COL11A1: variants seen among roughly 807,000 people sequenced by gnomAD.
COL11A1 encodes collagen type XI alpha 1 chain.
COL11A1 carries 74 observed loss-of-function variants against 265.2 expected under a neutral mutation model. The observed-to-expected ratio is 0.28, with a 90% CI of 0.23 to 0.34. COL11A1 has a LOEUF of 0.34. Ranked by LOEUF, COL11A1 falls within the 10% of genes least tolerant of loss-of-function variation. COL11A1 has a pLI of 1.00. For synonymous variants in COL11A1, 816 were observed against 727.6 expected, an observed-to-expected ratio of 1.12 and a Z score of -1.96; for missense variants, 2,165 against 2,263.6, an observed-to-expected ratio of 0.96 and a Z score of 0.88.
intron 59 of COL11A1, 119 bp downstream of exon 59, chr1:102,889,336 T>C: frequency 2.6e-6 from 2 of 783,216 alleles, no homozygotes; most frequent in South Asian, 2.9e-5. Context: ...CTGACTTAAA[T>C]TAGAATTAAG....
chr1:102,995,754 G>A (rs191603985), intron 28 of COL11A1, 110 bp downstream of exon 28: 238 of 868,032 alleles, frequency 2.7e-4, no homozygotes, highest in African/African-American at 2.2e-3. Flanking sequence ...CTAGCATTGC[G>A]TAGTATGTAG....
At position 103,108,139 on chromosome 1, in the gene COL11A1, G is replaced by A. The variant is rs1674860322; in HGVS notation, c.40C>T (p.Leu14Phe). The A allele has an allele frequency of 1.9e-6, 3 of 1,613,716 alleles. No individual in the cohort carries two copies. The East Asian group carries it at 6.7e-5, about 36-fold the overall frequency. ...WSSRWKTKRWLWDFTVTTLAL... is the reference protein window; with the variant it reads ...WSSRWKTKRWFWDFTVTTLAL... ...AGGGTTGTTACGGTGAAATCCCAGA[G>A]CCACCGTTTCGTTTTCCACCTAGAG... Residue 14 changes from leucine to phenylalanine, a missense_variant, in exon 1 of 67, where the codon CTC becomes TTC. Physicochemically the swap from Leu to Phe is conservative, Grantham distance 22. Coordinates refer to ENST00000370096, the MANE Select transcript of COL11A1 (RefSeq NM_001854.4).
At chr1:102,936,860 AAAG>A (rs1658199212) in intron 44 of COL11A1, among the ~76,000 whole-genome samples, 1 of 152,164 alleles carries the variant, frequency 6.6e-6, no homozygotes, top group Non-Finnish European at 1.5e-5. Context: ...ATGTAAAATC[AAAG>A]AATATTCAAA....
At chr1:102,903,365 G>C (rs901053691) in intron 54 of COL11A1, among the ~76,000 whole-genome samples, 3 of 151,850 alleles carry the variant, frequency 2.0e-5, no homozygotes, top group African/African-American at 7.3e-5. Context: ...TCATTCATGC[G>C]TAAGATTCAA....
intron 48 of COL11A1, among the ~76,000 whole-genome samples, chr1:102,920,704 A>C (rs1241170): frequency 0.84 from 127,967 of 152,078 alleles, 55,181 homozygotes; most frequent in East Asian, 1. Context: ...AAATTATGAC[A>C]CTGGTTAAGA....
intron 24 of COL11A1, chr1:103,001,590 C>G: frequency 2.2e-6 from 1 of 461,390 alleles, no homozygotes; most frequent in Non-Finnish European, 3.8e-6. Flanking sequence ...CACAAGCAAA[C>G]TTAATTACTT....
In COL11A1 at chr1:102,947,344, C is replaced by T. The variant is rs74110520; in HGVS notation, c.3169-388G>A. 1.2e-3 allele frequency among the ~76,000 whole-genome samples: 181 copies of T among 152,178 alleles called. 1 individual carries two copies. Among genetic ancestry groups the T allele is most frequent in the African/African-American group, 4.3e-3 (178 of 41,528 alleles). ...TTATAATGAATTGGCAGAATACAAT[C>T]CCTAAACTAGTGTTTCTTGAAGTAA... On this transcript the variant is annotated intron_variant, in intron 41 of 66. Transcript: ENST00000370096.
chr1:102,975,726 A>G (rs2101658579), intron 35 of COL11A1, among the ~76,000 whole-genome samples: 1 of 152,284 alleles, frequency 6.6e-6, no homozygotes, highest in African/African-American at 2.4e-5. Flanking sequence ...AACATAAGTA[A>G]AATGTCTTAA....
chr1:102,974,939 T>G, intron 35 of COL11A1, 56 bp from the exon 36 acceptor site: 1 of 1,303,094 alleles, frequency 7.7e-7, no homozygotes, highest in Non-Finnish European at 1.1e-6. Flanking sequence ...AGATGCATCT[T>G]TATACTTTGA....
At chr1:102,943,650 T>C (rs1658973608) in intron 42 of COL11A1, among the ~76,000 whole-genome samples, 1 of 152,110 alleles carries the variant, frequency 6.6e-6, no homozygotes, top group Non-Finnish European at 1.5e-5. Context: ...TTTAAATGAC[T>C]CCCAGACTTA....
At chr1:103,083,790 A>G (rs546674567) in intron 1 of COL11A1, among the ~76,000 whole-genome samples, 58 of 152,244 alleles carry the variant, frequency 3.8e-4, no homozygotes, top group African/African-American at 1.3e-3. Context: ...GTCCCTGGAG[A>G]TGAGTAATTT....
chr1:103,005,916 C>A, intron 17 of COL11A1, 25 bp from the exon 18 acceptor site: 4 of 1,613,886 alleles, frequency 2.5e-6, no homozygotes, highest in Middle Eastern at 1.6e-4. Context: ...TCATCATCAT[C>A]ATCATCATCA....
intron 38 of COL11A1, 25 bp downstream of exon 38, chr1:102,965,462 T>C: frequency 6.2e-7 from 1 of 1,607,934 alleles, no homozygotes; most frequent in Non-Finnish European, 8.5e-7. Context: ...AAATCTTGCT[T>C]GGGAAATAAA....
At chr1:103,083,830 T>G (rs1351990722) in intron 1 of COL11A1, among the ~76,000 whole-genome samples, 1 of 152,166 alleles carries the variant, frequency 6.6e-6, no homozygotes, top group African/African-American at 2.4e-5. Flanking sequence ...ATTTTTTTTG[T>G]AGTCTTAGGG....
At chr1:102,900,510 A>G (rs1461783445) in intron 54 of COL11A1, among the ~76,000 whole-genome samples, 1 of 152,118 alleles carries the variant, frequency 6.6e-6, no homozygotes, top group African/African-American at 2.4e-5. Flanking sequence ...TTATTCAATG[A>G]CAGTTTTTCC....
chr1:103,090,234 A>C (rs573232183), intron 1 of COL11A1, among the ~76,000 whole-genome samples: 2 of 152,250 alleles, frequency 1.3e-5, no homozygotes, highest in East Asian at 3.9e-4. Context: ...ACTTATTCTC[A>C]ACCCATACCT....
intron 5 of COL11A1, among the ~76,000 whole-genome samples, chr1:103,030,490 AAC>A (rs1040346946): frequency 6.6e-6 from 1 of 152,040 alleles, no homozygotes; most frequent in Non-Finnish European, 1.5e-5. Flanking sequence ...TCATTTTTAG[AAC>A]AGTTTTGATA....
At chr1:103,019,497 A>C (rs1165197182) in intron 9 of COL11A1, among the ~76,000 whole-genome samples, 2 of 152,134 alleles carry the variant, frequency 1.3e-5, no homozygotes, top group Non-Finnish European at 2.9e-5. Flanking sequence ...TTCTGAAAAA[A>C]ATATTTTCAA....
chr1:102,953,021 T>C (rs937899938), intron 41 of COL11A1, among the ~76,000 whole-genome samples: 3 of 152,226 alleles, frequency 2.0e-5, no homozygotes, highest in Non-Finnish European at 4.4e-5. Context: ...AAATGTATTA[T>C]GGCAGGAAGC....
Sources: gnomAD v4.1 joint callset for allele counts (sites outside exome capture counted in the v4.1 genomes callset) on GRCh38, gnomAD v4.1.1 for gene constraint, MANE v1.5 for transcripts, NCBI Gene and HGNC (gene_info 2026-07-23, HGNC 2026-07-21) for gene names.